KLF12: variants seen among roughly 807,000 people sequenced by gnomAD.
KLF12 encodes Krueppel-like factor 12.
KLF12 carries 9 observed loss-of-function variants against 37.8 expected under a neutral mutation model. That is an observed-to-expected ratio of 0.24 (90% confidence interval 0.14 to 0.42). The LOEUF is 0.42. KLF12 is among the 10% of genes least tolerant of loss of function. KLF12 has a pLI of 1.00. For synonymous variants in KLF12, 208 were observed against 202.1 expected (o/e 1.03, Z -0.25); for missense variants, 411 against 516.0 (o/e 0.80, Z 1.97).
chr13:74,137,028 G>A (rs1473707705), upstream of KLF12, among the ~76,000 whole-genome samples: 1 of 152,234 alleles, frequency 6.6e-6, no homozygotes, highest in African/African-American at 2.4e-5. Context: ...GAGTGTGTGT[G>A]TGTACACACG....
At chr13:73,758,982 G>C (rs1879369175) in intron 6 of KLF12, among the ~76,000 whole-genome samples, 1 of 152,094 alleles carries the variant, frequency 6.6e-6, no homozygotes, top group Non-Finnish European at 1.5e-5. Context: ...ATTTGAGGAG[G>C]TAAAGTCATT....
At chr13:73,876,858 T>C (rs887521746) in intron 3 of KLF12, among the ~76,000 whole-genome samples, 1 of 151,704 alleles carries the variant, frequency 6.6e-6, no homozygotes, top group Non-Finnish European at 1.5e-5. Context: ...CCACTAAAAA[T>C]ACAAAAATTA....
chr13:73,984,093 C>T (rs1165419967), intron 2 of KLF12, among the ~76,000 whole-genome samples: 3 of 152,146 alleles, frequency 2.0e-5, no homozygotes, highest in Admixed American at 1.3e-4. Flanking sequence ...ATAAGATCCT[C>T]GGGTGGGGAG....
At chr13:74,089,409 T>C (rs958423783) in intron 1 of KLF12, among the ~76,000 whole-genome samples, 7 of 152,158 alleles carry the variant, frequency 4.6e-5, no homozygotes, top group Non-Finnish European at 1.0e-4. Flanking sequence ...TATAAGTGTA[T>C]ATTTAGATAG....
the KLF12 span, among the ~76,000 whole-genome samples, chr13:74,148,098 G>T: frequency 6.6e-6 from 1 of 151,694 alleles, no homozygotes; most frequent in African/African-American, 2.4e-5. Flanking sequence ...TGTATTTTTA[G>T]TAGGGACGGG....
chr13:73,866,148 G>A (rs927228462), intron 3 of KLF12, among the ~76,000 whole-genome samples: 5 of 152,086 alleles, frequency 3.3e-5, no homozygotes, highest in East Asian at 1.9e-4. Context: ...CCAGCTACTC[G>A]GGAGGCTGAG....
At chr13:74,150,921 C>T in the KLF12 span, among the ~76,000 whole-genome samples, 2 of 152,192 alleles carry the variant, frequency 1.3e-5, no homozygotes, top group Non-Finnish European at 1.5e-5. Context: ...CTGGAATTTT[C>T]CATTTAAATA....
chr13:73,823,662 C>T (rs982229451), intron 4 of KLF12, among the ~76,000 whole-genome samples: 1 of 152,062 alleles, frequency 6.6e-6, no homozygotes, highest in Non-Finnish European at 1.5e-5. Flanking sequence ...TACTGTTGGA[C>T]CTTTCTATAG....
intron 5 of KLF12, among the ~76,000 whole-genome samples, chr13:73,786,459 C>T (rs1477684600): frequency 6.6e-6 from 1 of 152,122 alleles, no homozygotes; most frequent in African/African-American, 2.4e-5. Context: ...TACTATTTCA[C>T]ATCACTTCTC....
chr13:73,918,939 T>C (rs910046261), intron 3 of KLF12, among the ~76,000 whole-genome samples: 3 of 152,196 alleles, frequency 2.0e-5, no homozygotes, highest in Non-Finnish European at 4.4e-5. Context: ...TACCTCTGAA[T>C]TGAGTTAGTT....
chr13:73,920,028 G>A (rs574411252), intron 3 of KLF12, among the ~76,000 whole-genome samples: 20 of 152,170 alleles, frequency 1.3e-4, no homozygotes, highest in African/African-American at 4.1e-4. Flanking sequence ...CTCCCTCTCC[G>A]TTCGGGTGCT....
At chr13:74,024,436 G>T (rs183307522) in intron 1 of KLF12, among the ~76,000 whole-genome samples, 1 of 152,060 alleles carries the variant, frequency 6.6e-6, no homozygotes, top group Non-Finnish European at 1.5e-5. Flanking sequence ...ATGAGTATAC[G>T]CATCATTCTG....
chr13:74,245,398 G>C, the KLF12 span, among the ~76,000 whole-genome samples: 1 of 152,048 alleles, frequency 6.6e-6, no homozygotes, highest in Non-Finnish European at 1.5e-5. Flanking sequence ...TATGGGAGTA[G>C]ATGAAATTGC....
chr13:74,136,813 G>T (rs1329493292), upstream of KLF12, among the ~76,000 whole-genome samples: 2 of 152,166 alleles, frequency 1.3e-5, no homozygotes, highest in African/African-American at 2.4e-5. Flanking sequence ...AGCATTGGGG[G>T]GAAAAGATGC....
intron 5 of KLF12, among the ~76,000 whole-genome samples, chr13:73,774,781 T>C (rs1056420202): frequency 3.3e-5 from 5 of 152,166 alleles, no homozygotes; most frequent in African/African-American, 1.2e-4. Context: ...TTAGAAATTA[T>C]TTTTTCTGTA....
chr13:73,747,934 A>G (rs973713908), intron 6 of KLF12, among the ~76,000 whole-genome samples: 1 of 152,244 alleles, frequency 6.6e-6, no homozygotes, highest in African/African-American at 2.4e-5. Flanking sequence ...AATGGTATCT[A>G]TGAACTGTGT....
intron 6 of KLF12, among the ~76,000 whole-genome samples, chr13:73,764,689 G>A (rs4271495): frequency 0.17 from 26,327 of 151,920 alleles, 2,786 homozygotes; most frequent in East Asian, 0.45. Flanking sequence ...TATAATCTTG[G>A]GAACTTAGAT....
At chr13:74,061,252 A>G (rs1324601815) in intron 1 of KLF12, among the ~76,000 whole-genome samples, 7 of 152,182 alleles carry the variant, frequency 4.6e-5, no homozygotes, top group Non-Finnish European at 1.0e-4. Context: ...TGAGGCCCTG[A>G]TATGTTAGGT....
the KLF12 span, among the ~76,000 whole-genome samples, chr13:74,291,666 T>C: frequency 6.6e-6 from 1 of 152,164 alleles, no homozygotes; most frequent in African/African-American, 2.4e-5. Context: ...TGTTCATGTG[T>C]AGGAGAATGA....
Sources: gnomAD v4.1 joint callset for allele counts (sites outside exome capture counted in the v4.1 genomes callset) on GRCh38, gnomAD v4.1.1 for gene constraint, MANE v1.5 for transcripts, NCBI Gene and HGNC (gene_info 2026-07-23, HGNC 2026-07-21) for gene names.